Variants in LARGE1 observed in about 807,000 individuals in gnomAD.
LARGE1 encodes the protein LARGE xylosyl- and glucuronyltransferase 1.
In LARGE1, 43 loss-of-function variants were observed where a neutral mutation model predicts 87.6. That is an observed-to-expected ratio of 0.49 (90% CI 0.38 to 0.63). The LOEUF (loss-of-function observed/expected upper bound fraction) is 0.63. LARGE1 is among the 30% of genes least tolerant of loss of function. The pLI is 0.00. For missense variants in LARGE1, 802 were observed against 1,000.2 expected, an observed-to-expected ratio of 0.80 and a Z score of 2.67; for synonymous variants, 434 against 394.6, an observed-to-expected ratio of 1.10 and a Z score of -1.18.
At chr22:33,671,088 G>A (rs2081395795) in intron 2 of LARGE1, among the ~76,000 whole-genome samples, 1 of 152,136 alleles carries the variant, frequency 6.6e-6, no homozygotes, top group Non-Finnish European at 1.5e-5. Flanking sequence ...ACCAGTGAAA[G>A]AAAATGCTGG....
At chr22:33,761,321 A>C in intron 2 of LARGE1, 50 bp downstream of exon 2, 1 of 1,362,524 alleles carries the variant, frequency 7.3e-7, no homozygotes, top group Non-Finnish European at 1.1e-6. Context: ...TATGACAGCT[A>C]ATGTTCCCTT....
chr22:33,268,489 G>T (rs992388443), downstream of LARGE1, among the ~76,000 whole-genome samples: 1 of 147,454 alleles, frequency 6.8e-6, no homozygotes, highest in African/African-American at 2.5e-5. Context: ...AGTGCATGGC[G>T]CGATCTTGGC....
chr22:33,625,281 C>T (rs2079885196), intron 4 of LARGE1, among the ~76,000 whole-genome samples: 1 of 152,294 alleles, frequency 6.6e-6, no homozygotes, highest in Admixed American at 6.5e-5. Flanking sequence ...GGATAGGACC[C>T]TGGGTATGTC....
At chr22:33,189,439 C>CT (rs1301094989) in intron 11 of LARGE1, among the ~76,000 whole-genome samples, 2 of 152,062 alleles carry the variant, frequency 1.3e-5, no homozygotes, top group Admixed American at 1.3e-4. Context: ...GACATTCTGC[C>CT]TTTTTCTTTC....
intron 5 of LARGE1, among the ~76,000 whole-genome samples, chr22:33,599,697 A>T (rs1238949386): frequency 6.6e-6 from 1 of 152,138 alleles, no homozygotes; most frequent in East Asian, 1.9e-4. Flanking sequence ...AACAGATATC[A>T]TAAGGGGCCC....
chr22:33,869,144 T>C (rs1393695757), intron 1 of LARGE1, among the ~76,000 whole-genome samples: 2 of 152,188 alleles, frequency 1.3e-5, no homozygotes. Flanking sequence ...CTCATCATTC[T>C]GGCCCTCTCT....
the LARGE1 span, among the ~76,000 whole-genome samples, chr22:33,100,100 C>T: frequency 6.6e-6 from 1 of 152,204 alleles, no homozygotes; most frequent in East Asian, 1.9e-4. Context: ...CTTTGGGAGG[C>T]TGAGGCGGGT....
chr22:33,393,633 T>G (rs1194896752), intron 7 of LARGE1, among the ~76,000 whole-genome samples: 2 of 152,234 alleles, frequency 1.3e-5, no homozygotes, highest in Non-Finnish European at 2.9e-5. Context: ...GCCAAAAAGC[T>G]TGACTTTGGC....
At chr22:33,068,479 A>G in the LARGE1 span, among the ~76,000 whole-genome samples, 1 of 151,984 alleles carries the variant, frequency 6.6e-6, no homozygotes, top group African/African-American at 2.4e-5. Flanking sequence ...CCCCATCTCT[A>G]CTAAAAATAC....
At chr22:33,486,871 A>G (rs2069606061) in intron 6 of LARGE1, among the ~76,000 whole-genome samples, 1 of 152,166 alleles carries the variant, frequency 6.6e-6, no homozygotes, top group African/African-American at 2.4e-5. Context: ...CAGAAATCTG[A>G]GGCTGAAACT....
At chr22:33,103,432 CAAAAAA>C in the LARGE1 span, among the ~76,000 whole-genome samples, 2 of 33,810 alleles carry the variant, frequency 5.9e-5, no homozygotes, top group African/African-American at 3.3e-4. Flanking sequence ...GACTCTGTCT[CAAAAAA>C]AAAAAAAAAA....
intron 1 of LARGE1, among the ~76,000 whole-genome samples, chr22:33,914,457 T>C (rs536247296): frequency 1.7e-4 from 26 of 152,330 alleles, no homozygotes; most frequent in African/African-American, 6.3e-4. Flanking sequence ...AGATTCAGCA[T>C]TGTTGCTGTT....
At chr22:33,482,201 G>C (rs1017841192) in intron 6 of LARGE1, among the ~76,000 whole-genome samples, 1 of 152,144 alleles carries the variant, frequency 6.6e-6, no homozygotes, top group Admixed American at 6.5e-5. Flanking sequence ...AAGTTGACTT[G>C]CAAGAAAGGT....
intron 3 of LARGE1, among the ~76,000 whole-genome samples, chr22:33,632,834 C>T (rs952265606): frequency 2.0e-5 from 3 of 152,194 alleles, no homozygotes; most frequent in African/African-American, 4.8e-5. Context: ...AGAATTTATA[C>T]ATTTTATTTA....
At position 33,657,900 on chromosome 22, in the gene LARGE1, A is replaced by G. The variant is rs551513259; in HGVS notation, c.107-7232T>C. ...TCATTTTAATTTATGCAACGCTGTC[A>G]TGAAGTGGGTATTCTCACTATTTCC... On this transcript the variant is annotated intron_variant, in intron 2 of 14. Transcript: ENST00000397394. Among the ~76,000 whole-genome samples the G allele has an allele frequency of 7.2e-5, 11 of 152,132 alleles. No individual in the cohort carries two copies. The Middle Eastern group carries it at 0.014, about 188-fold the overall frequency.
chr22:33,537,737 T>G (rs368480684), intron 6 of LARGE1, among the ~76,000 whole-genome samples: 18 of 152,172 alleles, frequency 1.2e-4, no homozygotes, highest in African/African-American at 4.3e-4. Flanking sequence ...CAGCAAAATT[T>G]TTTTTTGGAT....
chr22:33,415,079 G>A (rs983971559), intron 7 of LARGE1, among the ~76,000 whole-genome samples: 1 of 152,206 alleles, frequency 6.6e-6, no homozygotes, highest in Non-Finnish European at 1.5e-5. Flanking sequence ...GGTGGCTTGA[G>A]TATCTTCAGG....
At position 33,767,431 on chromosome 22, in the gene LARGE1, G is replaced by A. The variant is rs185573358; in HGVS notation, c.-82-5873C>T. ...AAAATATATATGCATATATATGCAT[G>A]TATATATATGTATATATATAAGCTT... On this transcript the variant is annotated intron_variant, in intron 1 of 14. Transcript: ENST00000397394. Among the ~76,000 whole-genome samples, 991 of 148,414 alleles carry A rather than the reference G, an allele frequency of 6.7e-3. 5 individuals are homozygous for A. The highest frequency in any genetic ancestry group is 8.4e-3 in the Non-Finnish European group (565 of 67,324).
At chr22:33,430,128 T>C (rs1047021381) in intron 7 of LARGE1, among the ~76,000 whole-genome samples, 7 of 152,292 alleles carry the variant, frequency 4.6e-5, no homozygotes, top group Middle Eastern at 3.4e-3. Context: ...GCAAGGCAGG[T>C]TGGTAGTTAA....
Sources: allele counts gnomAD v4.1 joint callset (sites outside exome capture counted in the v4.1 genomes callset), GRCh38; gene constraint gnomAD v4.1.1; transcripts MANE v1.5; gene names NCBI Gene and HGNC (gene_info 2026-07-23, HGNC 2026-07-21).